KCNJ10: variants seen among roughly 807,000 people sequenced by gnomAD.
KCNJ10 encodes ATP-sensitive inward rectifier potassium channel 10.
In KCNJ10, 9 loss-of-function variants were observed where a neutral mutation model predicts 22.2. That is an observed-to-expected ratio of 0.40 (90% CI 0.24 to 0.71). The LOEUF is 0.71. Ranked by LOEUF, KCNJ10 falls within the 30% of genes least tolerant of loss-of-function variation. KCNJ10 has a pLI of 0.35. For missense variants in KCNJ10, 337 were observed against 482.7 expected (o/e 0.70, Z 2.83); for synonymous variants, 184 against 187.3 (o/e 0.98, Z 0.15).
intron 1 of KCNJ10, among the ~76,000 whole-genome samples, chr1:160,063,112 A>G (rs1424042596): frequency 6.6e-6 from 1 of 152,098 alleles, no homozygotes; most frequent in Non-Finnish European, 1.5e-5. Flanking sequence ...CTGTTCTACA[A>G]TCTGTGAGGA....
chr1:160,056,116 A>G (rs1022095685), intron 1 of KCNJ10, among the ~76,000 whole-genome samples: 1 of 152,052 alleles, frequency 6.6e-6, no homozygotes, highest in Middle Eastern at 3.4e-3. Context: ...TTCTGCCTTC[A>G]TGACTCCTCT....
Position 160,042,030 on chromosome 1 carries a change from T to A in KCNJ10, c.503A>T (p.Lys168Met), listed in dbSNP as rs1289620477. 1 of 1,561,132 alleles carries A rather than the reference T, an allele frequency of 6.4e-7. No homozygotes were observed. The highest frequency in any genetic ancestry group is 8.7e-7 in the Non-Finnish European group (1 of 1,152,722). Residue 168 changes from lysine to methionine, a missense_variant, in exon 2 of 2, where the codon AAG becomes ATG. Physicochemically the swap from Lys to Met is moderately conservative, Grantham distance 95 (BLOSUM62 -1). Coordinates refer to ENST00000644903, the MANE Select transcript of KCNJ10 (RefSeq NM_002241.5). ...AGCCCGCTTCTTGGGCCGGGCAATC[T>A]TCGCCAGGAAGGTACCTGTGATGAA... The part of the protein sequence containing the change: ...EIFITGTFLA[K>M]IARPKKRAET...
Position 160,042,106 on chromosome 1 carries a change from C to A in KCNJ10, c.427G>T (p.Ala143Ser). 6.4e-7 allele frequency: 1 copy of A among 1,557,066 alleles called. No individual in the cohort carries two copies. Among genetic ancestry groups the A allele is most frequent in the South Asian group, 1.2e-5 (1 of 80,552 alleles). Residue 143 changes from alanine to serine, a missense_variant, in exon 2 of 2, where the codon GCC becomes TCC. Ala to Ser is a moderately conservative substitution (Grantham distance 99, BLOSUM62 1). Around this residue, in one of 3 missense-constraint regions of KCNJ10, gnomAD observed 165 missense variants for 281.5 expected, o/e 0.59. Transcript: ENST00000644903. ...AGCTGGGCAATAAGAAGCACAATGG[C>A]CAGTGGACATTCCTCACTGATGTAG... is the stretch of plus-strand genomic sequence containing the variant. ...FRYISEECPL[A>S]IVLLIAQLVL...
chr1:160,046,720 C>T (rs1235858456), intron 1 of KCNJ10, among the ~76,000 whole-genome samples: 3 of 152,276 alleles, frequency 2.0e-5, no homozygotes, highest in Admixed American at 2.0e-4. Flanking sequence ...TGGCCAGAGT[C>T]AGAAGCGGAT....
At chr1:160,066,333 T>C (rs1229333117) in intron 1 of KCNJ10, among the ~76,000 whole-genome samples, 1 of 152,118 alleles carries the variant, frequency 6.6e-6, no homozygotes, top group Non-Finnish European at 1.5e-5. Context: ...AACTGCTTGA[T>C]AATTCTTCTA....
At chr1:160,050,099 G>A (rs933061824) in intron 1 of KCNJ10, among the ~76,000 whole-genome samples, 4 of 152,008 alleles carry the variant, frequency 2.6e-5, no homozygotes, top group African/African-American at 4.8e-5. Context: ...ACCACATTCA[G>A]TATGAGCTGT....
rs1286913866 is a variant in KCNJ10, at chr1:160,038,546, G to GT, written c.*2846dup. 6.6e-6 allele frequency: 1 copy of GT among 152,080 alleles called. No individual in the cohort carries two copies. Among genetic ancestry groups the GT allele is most frequent in the Non-Finnish European group, 1.5e-5 (1 of 68,024 alleles). 9.4% of individuals were successfully genotyped at this position (152,080 alleles called of 1,614,324 possible). On this transcript the variant is annotated 3_prime_UTR_variant, in exon 2 of 2. Transcript: ENST00000644903. ...CATGTTGAAACCAGGACCACTGATT[G>GT]TAAGTCTGAAAATCTGGGTGTCCTA...
chr1:160,049,690 T>TATATATATAA (rs1648848000), intron 1 of KCNJ10, among the ~76,000 whole-genome samples: 5 of 112,744 alleles, frequency 4.4e-5, no homozygotes, highest in Non-Finnish European at 7.2e-5. Context: ...TATATATATA[T>TATATATATAA]ATATATATAT....
chr1:160,043,153 A>G (rs1202781799), intron 1 of KCNJ10, among the ~76,000 whole-genome samples: 2 of 152,034 alleles, frequency 1.3e-5, no homozygotes, highest in Non-Finnish European at 2.9e-5. Context: ...AGCCTTCACC[A>G]CAAAACCAGT....
At chr1:160,057,294 C>T (rs1006141239) in intron 1 of KCNJ10, among the ~76,000 whole-genome samples, 3 of 152,212 alleles carry the variant, frequency 2.0e-5, no homozygotes, top group Non-Finnish European at 4.4e-5. Flanking sequence ...AAGCCAGACC[C>T]CATGTCTCCA....
In KCNJ10 at chr1:160,039,895, A is replaced by G. The variant is rs75316108; in HGVS notation, c.*1498T>C. ...GCACTCTAGGGATTTGGGGCTTTGG[A>G]TAAAGCTCTGGTGCCTATATGCCCT... is the stretch of plus-strand genomic sequence containing the variant. On this transcript the variant is annotated 3_prime_UTR_variant, in exon 2 of 2. Transcript: ENST00000644903. 3 of 152,350 alleles carry G rather than the reference A, an allele frequency of 2.0e-5. No individual in the cohort carries two copies. The highest frequency in any genetic ancestry group is 7.2e-5 in the African/African-American group (3 of 41,566). The allele number at this position is 152,350 out of a possible 1,614,324, so 9.4% of individuals were successfully genotyped here. A position where few individuals can be genotyped will look rare whatever the true frequency, so the allele number is the denominator to read the frequency against.
intron 1 of KCNJ10, among the ~76,000 whole-genome samples, chr1:160,068,937 C>T (rs1008297213): frequency 2.0e-5 from 3 of 152,204 alleles, no homozygotes; most frequent in African/African-American, 7.2e-5. Context: ...TTATCTCCCT[C>T]CCACCCAGGC....
chr1:160,053,646 C>A (rs1234821568), intron 1 of KCNJ10, among the ~76,000 whole-genome samples: 6 of 151,942 alleles, frequency 3.9e-5, no homozygotes, highest in African/African-American at 1.5e-4. Context: ...TGGGGCCTGA[C>A]TCTCCAGCTG....
chr1:160,064,541 TG>T (rs1288994714), intron 1 of KCNJ10, among the ~76,000 whole-genome samples: 1 of 152,242 alleles, frequency 6.6e-6, no homozygotes, highest in East Asian at 1.9e-4. Flanking sequence ...AATTATTTCA[TG>T]TGTCCCAGTG....
chr1:160,041,407 T>G lies in KCNJ10; in HGVS notation c.1126A>C (p.Ile376Leu). ...GGAACAGGTCATCAGACATTGCTGA[T>G]GCGCACACTAAGGGCACTGCCCTCC... is the stretch of plus-strand genomic sequence containing the variant. ...EKEGSALSVR[I>L]SNV Residue 376 changes from isoleucine to leucine, a missense_variant, in exon 2 of 2, where the codon ATC becomes CTC. Ile to Leu is a conservative substitution (Grantham distance 5). Around this residue, in one of 3 missense-constraint regions of KCNJ10, gnomAD observed 65 missense variants for 66.0 expected, o/e 0.98. Coordinates refer to ENST00000644903, the MANE Select transcript of KCNJ10 (RefSeq NM_002241.5). The surrounding 1 kb of genome is among the most constrained non-coding windows in gnomAD (Gnocchi z 4.4). The G allele has an allele frequency of 6.2e-7, 1 of 1,612,922 alleles. No homozygotes were observed. Among genetic ancestry groups the G allele is most frequent in the Non-Finnish European group, 8.5e-7 (1 of 1,179,886 alleles).
At chr1:160,046,344 C>G (rs1295938585) in intron 1 of KCNJ10, among the ~76,000 whole-genome samples, 1 of 152,148 alleles carries the variant, frequency 6.6e-6, no homozygotes, top group Non-Finnish European at 1.5e-5. Context: ...GAGCTTTGCC[C>G]CAAGTAGATT....
intron 1 of KCNJ10, among the ~76,000 whole-genome samples, chr1:160,052,981 G>A (rs1648938660): frequency 6.6e-6 from 1 of 152,168 alleles, no homozygotes; most frequent in Admixed American, 6.5e-5. Context: ...CATTTTGAAT[G>A]GCTTGAGACA....
At position 160,043,841 on chromosome 1, in the gene KCNJ10, A is replaced by T. The variant is rs192209712; in HGVS notation, c.1-1309T>A. On this transcript the variant is annotated intron_variant, in intron 1 of 1. Coordinates refer to ENST00000644903, the MANE Select transcript of KCNJ10 (RefSeq NM_002241.5). ...TGCCTGGCACCCTTGCCCAAGCAGT[A>T]ACTTGTACTTTTCCAGCACAGAAAG... Among the ~76,000 whole-genome samples, 47 of 152,348 alleles carry T rather than the reference A, an allele frequency of 3.1e-4. No homozygotes were observed. In the East Asian group the frequency reaches 7.9e-3, roughly 26 times the overall value.
intron 1 of KCNJ10, among the ~76,000 whole-genome samples, chr1:160,049,701 A>ATATATATATT (rs1648853082): frequency 2.4e-5 from 3 of 125,300 alleles, no homozygotes; most frequent in South Asian, 5.0e-4. Context: ...ATATATATAT[A>ATATATATATT]TATATATATA....
Sources: allele counts gnomAD v4.1 joint callset (sites outside exome capture counted in the v4.1 genomes callset), GRCh38; gene constraint gnomAD v4.1.1; regional missense constraint gnomAD v4.1.1; non-coding constraint Gnocchi (gnomAD v3.1); transcripts MANE v1.5; gene names NCBI Gene and HGNC (gene_info 2026-07-23, HGNC 2026-07-21).